Variants in LSAMP observed in about 807,000 individuals in gnomAD.
The protein encoded by LSAMP is limbic system associated membrane protein.
In LSAMP, 7 loss-of-function variants were observed where a neutral mutation model predicts 38.6. That is an observed-to-expected ratio of 0.18 (90% CI 0.10 to 0.34). LSAMP has a LOEUF of 0.34. Among genes scored for constraint, LSAMP ranks in the 10% least tolerant of loss-of-function variants. LSAMP has a pLI of 1.00. For synonymous variants in LSAMP, 154 were observed against 166.8 expected (o/e 0.92, Z 0.59); for missense variants, 313 against 420.0 (o/e 0.75, Z 2.23).
intron 1 of LSAMP, among the ~76,000 whole-genome samples, chr3:116,162,698 A>C (rs1273901245): frequency 5.3e-5 from 8 of 151,174 alleles, no homozygotes; most frequent in Non-Finnish European, 1.0e-4. Context: ...CTCTCTCTAT[A>C]TATATATAAA....
intron 3 of LSAMP, among the ~76,000 whole-genome samples, chr3:116,005,687 C>T (rs1940137468): frequency 1.3e-5 from 2 of 152,160 alleles, no homozygotes; most frequent in Admixed American, 6.5e-5. Flanking sequence ...AACATAACTG[C>T]CAATGGTAGA....
intron 2 of LSAMP, among the ~76,000 whole-genome samples, chr3:116,020,437 T>A (rs939496653): frequency 6.6e-6 from 1 of 152,168 alleles, no homozygotes; most frequent in Non-Finnish European, 1.5e-5. Flanking sequence ...GAAGTTTTTA[T>A]TTATGGGTAG....
At chr3:116,117,937 C>CT (rs143242215) in intron 1 of LSAMP, among the ~76,000 whole-genome samples, 13,245 of 148,734 alleles carry the variant, frequency 0.089, 1,835 homozygotes, top group African/African-American at 0.31. Flanking sequence ...TTTCGTATAT[C>CT]TTTTTTTTTT....
At chr3:115,816,252 G>T (rs1934013545) in intron 6 of LSAMP, among the ~76,000 whole-genome samples, 1 of 152,138 alleles carries the variant, frequency 6.6e-6, no homozygotes. Context: ...AATAGGCTCT[G>T]CATCTTTTCT....
intron 1 of LSAMP, among the ~76,000 whole-genome samples, chr3:116,101,518 A>G (rs2107450861): frequency 6.6e-6 from 1 of 152,310 alleles, no homozygotes; most frequent in South Asian, 2.1e-4. Flanking sequence ...ATCAACATAT[A>G]CATCATCTCA....
At chr3:116,098,310 C>T (rs933441698) in intron 1 of LSAMP, among the ~76,000 whole-genome samples, 1 of 151,830 alleles carries the variant, frequency 6.6e-6, no homozygotes, top group Non-Finnish European at 1.5e-5. Context: ...ACCAGCTTGA[C>T]CAACAGGGAG....
At chr3:116,053,902 T>A (rs1253942611) in intron 2 of LSAMP, among the ~76,000 whole-genome samples, 1 of 152,230 alleles carries the variant, frequency 6.6e-6, no homozygotes, top group East Asian at 1.9e-4. Flanking sequence ...CTTTTAGTTC[T>A]ATACATTTAA....
chr3:116,129,203 G>A (rs1022155957), intron 1 of LSAMP, among the ~76,000 whole-genome samples: 9 of 152,258 alleles, frequency 5.9e-5, no homozygotes, highest in Admixed American at 2.0e-4. Flanking sequence ...AGGAGTGTCA[G>A]ATAATAGACT....
At chr3:116,086,588 T>C (rs1023511871) in intron 1 of LSAMP, 32 bp from the exon 2 acceptor site, 4 of 1,525,232 alleles carry the variant, frequency 2.6e-6, no homozygotes, top group Non-Finnish European at 3.6e-6. Context: ...ATTAGTGCCT[T>C]AACAACAACT....
At chr3:115,888,978 C>T (rs972641924) in intron 3 of LSAMP, among the ~76,000 whole-genome samples, 10 of 151,982 alleles carry the variant, frequency 6.6e-5, no homozygotes, top group African/African-American at 1.9e-4. Flanking sequence ...CTTTCTTCAA[C>T]CACGCAGAGA....
chr3:115,913,062 T>A (rs1937168834), intron 3 of LSAMP, among the ~76,000 whole-genome samples: 1 of 152,220 alleles, frequency 6.6e-6, no homozygotes, highest in Admixed American at 6.5e-5. Flanking sequence ...CAAGTTAGAT[T>A]TTTAAGTAAA....
intron 1 of LSAMP, among the ~76,000 whole-genome samples, chr3:116,250,688 C>G (rs1198136148): frequency 9.6e-6 from 1 of 104,428 alleles, no homozygotes; most frequent in Non-Finnish European, 1.9e-5. Context: ...ATGGCAAAAC[C>G]TTGTATCTAC....
At chr3:116,146,546 G>GA (rs1010484397) in intron 1 of LSAMP, among the ~76,000 whole-genome samples, 2 of 151,538 alleles carry the variant, frequency 1.3e-5, no homozygotes, top group African/African-American at 2.4e-5. Context: ...TGAGAGCAGA[G>GA]AAAAAAAATC....
At chr3:116,381,683 T>C (rs555832113) in intron 1 of LSAMP, among the ~76,000 whole-genome samples, 1 of 152,236 alleles carries the variant, frequency 6.6e-6, no homozygotes, top group South Asian at 2.1e-4. Context: ...ATCTGCTACT[T>C]AGGGTTATGT....
At chr3:116,163,049 T>G (rs551906765) in intron 1 of LSAMP, among the ~76,000 whole-genome samples, 1 of 151,738 alleles carries the variant, frequency 6.6e-6, no homozygotes, top group South Asian at 2.1e-4. Context: ...AAAATAATTT[T>G]AAAAATGAAG....
At chr3:116,192,978 C>T (rs1024090483) in intron 1 of LSAMP, among the ~76,000 whole-genome samples, 1 of 152,114 alleles carries the variant, frequency 6.6e-6, no homozygotes, top group Non-Finnish European at 1.5e-5. Flanking sequence ...AGTGCTTTGC[C>T]AACAACTGCA....
At chr3:116,309,885 A>G (rs1487642331) in intron 1 of LSAMP, among the ~76,000 whole-genome samples, 1 of 152,122 alleles carries the variant, frequency 6.6e-6, no homozygotes, top group Non-Finnish European at 1.5e-5. Context: ...TTCCTTTGAT[A>G]TTGTTTTTGC....
intron 3 of LSAMP, among the ~76,000 whole-genome samples, chr3:115,967,305 A>G (rs1938849525): frequency 1.3e-5 from 2 of 152,204 alleles, no homozygotes; most frequent in Non-Finnish European, 2.9e-5. Flanking sequence ...ACATAACAAG[A>G]GTCACCATTG....
intron 1 of LSAMP, among the ~76,000 whole-genome samples, chr3:116,260,779 T>TATC (rs1451916688): frequency 6.6e-6 from 1 of 152,192 alleles, no homozygotes; most frequent in East Asian, 1.9e-4. Context: ...AATTAGTGTG[T>TATC]ATCTATGCCT....
Sources: allele counts gnomAD v4.1 joint callset (sites outside exome capture counted in the v4.1 genomes callset), GRCh38; gene constraint gnomAD v4.1.1; transcripts MANE v1.5; gene names NCBI Gene and HGNC (gene_info 2026-07-23, HGNC 2026-07-21).